The following SPRR2G variants were observed in gnomAD, a reference collection of about 807,000 sequenced individuals.
The protein encoded by SPRR2G is small proline rich protein 2G.
SPRR2G carries 1 observed loss-of-function variant against 0.7 expected under a neutral mutation model. The ratio of observed to expected loss-of-function variants is 1.49; its 90% confidence interval spans 0.53 to 7.06. SPRR2G has a LOEUF of 7.06. SPRR2G is among the 30% of genes most tolerant of loss of function. The probability of loss-of-function intolerance (pLI) is 0.14; values close to 1 mark genes in which losing one functional copy is unlikely to be tolerated. For missense variants in SPRR2G, 96 were observed against 88.5 expected (o/e 1.09, Z -0.34); for synonymous variants, 38 against 33.9 (o/e 1.12, Z -0.42).
At chr1:153,155,744 T>C (rs1656570682), upstream of SPRR2G, among the ~76,000 whole-genome samples, 1 of 152,228 alleles carries the variant, frequency 6.6e-6, no homozygotes, top group South Asian at 2.1e-4. Flanking sequence ...TTTGCTGACA[T>C]ACCAGTTTTT....
the SPRR2G span, among the ~76,000 whole-genome samples, chr1:153,193,512 G>A: frequency 1.3e-5 from 2 of 152,154 alleles, no homozygotes; most frequent in African/African-American, 4.8e-5. Context: ...ACAGGGTCTA[G>A]CCTCTGGGAG....
the SPRR2G span, among the ~76,000 whole-genome samples, chr1:153,197,722 C>A: frequency 2.6e-5 from 4 of 152,122 alleles, no homozygotes; most frequent in Non-Finnish European, 5.9e-5. Context: ...CTCTTAACTG[C>A]AGCAGGGTGG....
At chr1:153,196,364 C>A in the SPRR2G span, among the ~76,000 whole-genome samples, 19 of 152,164 alleles carry the variant, frequency 1.2e-4, no homozygotes, top group Admixed American at 3.9e-4. Flanking sequence ...CCTCAAGGGC[C>A]ATTTATGTTG....
chr1:153,179,982 A>C, the SPRR2G span, among the ~76,000 whole-genome samples: 1 of 152,194 alleles, frequency 6.6e-6, no homozygotes, highest in African/African-American at 2.4e-5. Flanking sequence ...AAAGCACTTC[A>C]TGCTGTGGCA....
the SPRR2G span, among the ~76,000 whole-genome samples, chr1:153,189,491 TATAAG>T: frequency 6.6e-6 from 1 of 152,054 alleles, no homozygotes; most frequent in Non-Finnish European, 1.5e-5. Context: ...TTAATGAACT[TATAAG>T]AGCTGTCTCT....
In SPRR2G at chr1:153,149,973, G is replaced by A; in HGVS notation, c.138C>T (p.Cys46=). 2.5e-6 allele frequency: 4 copies of A among 1,614,082 alleles called. No homozygotes were observed. Among genetic ancestry groups the A allele is most frequent in the South Asian group, 1.1e-5 (1 of 91,078 alleles). ...YLPPPCPPEH[C]PPPPCQDKCP... is the part of the protein sequence containing the mutation. ...ATTTATCCTGGCATGGTGGAGGTGG[G>A]CAATGCTCAGGTGGACAAGGAGGAG... is the stretch of plus-strand genomic sequence containing the variant. Residue 46 remains cysteine (C), a synonymous_variant, in exon 2 of 2, where the codon TGC becomes TGT. Coordinates refer to ENST00000368748, the MANE Select transcript of SPRR2G (RefSeq NM_001014291.4).
chr1:153,181,734 G>A, the SPRR2G span, among the ~76,000 whole-genome samples: 19 of 151,452 alleles, frequency 1.3e-4, no homozygotes, highest in African/African-American at 4.4e-4. Context: ...CATCCATTTT[G>A]CTGCAAATAA....
chr1:153,150,274 C>G lies in SPRR2G; in HGVS notation c.-21-143G>C, dbSNP rs1656438842. The G allele has an allele frequency of 4.8e-6, 6 of 1,254,000 alleles. No individual in the cohort carries two copies. The East Asian group carries it at 1.3e-4, about 27-fold the overall frequency. 77.7% of individuals were successfully genotyped at this position (1,254,000 alleles called of 1,614,324 possible). On this transcript the variant is annotated intron_variant, in intron 1 of 1. Transcript: ENST00000368748. The stretch of plus-strand genomic sequence containing the variant: ...TATGACTTTGTGAACCTTCTTCACA[C>G]TTCACTTTTAGGACCTCTTACCCTC...
At chr1:153,173,381 A>T in the SPRR2G span, among the ~76,000 whole-genome samples, 1 of 152,164 alleles carries the variant, frequency 6.6e-6, no homozygotes, top group African/African-American at 2.4e-5. Context: ...ATAAATATGG[A>T]GGTTGTCCTA....
the SPRR2G span, chr1:153,190,430 T>C: frequency 6.6e-6 from 1 of 152,304 alleles, no homozygotes; most frequent in African/African-American, 2.4e-5. Context: ...CATAGTCTAC[T>C]GGGGTCTCCT....
the SPRR2G span, among the ~76,000 whole-genome samples, chr1:153,188,968 T>C: frequency 6.6e-6 from 1 of 152,116 alleles, no homozygotes; most frequent in African/African-American, 2.4e-5. Flanking sequence ...CTGCTCACCC[T>C]CCATGGGCTG....
At chr1:153,193,458 G>A in the SPRR2G span, among the ~76,000 whole-genome samples, 8 of 152,030 alleles carry the variant, frequency 5.3e-5, no homozygotes, top group East Asian at 9.6e-4. Flanking sequence ...ACACTCACAC[G>A]CACACACATG....
At chr1:153,196,862 C>T in the SPRR2G span, among the ~76,000 whole-genome samples, 65,972 of 152,128 alleles carry the variant, frequency 0.43, 15,250 homozygotes, top group South Asian at 0.57. Flanking sequence ...CCCCAGTGGG[C>T]CCCCAGTTTA....
At chr1:153,161,695 G>T in the SPRR2G span, among the ~76,000 whole-genome samples, 1 of 152,144 alleles carries the variant, frequency 6.6e-6, no homozygotes, top group Non-Finnish European at 1.5e-5. Context: ...GCTGCCATTA[G>T]CTGGTCTGTT....
the SPRR2G span, among the ~76,000 whole-genome samples, chr1:153,192,250 G>C: frequency 1.3e-5 from 2 of 152,126 alleles, no homozygotes. Flanking sequence ...ATGTCTCCTG[G>C]GTTCCTATCT....
At chr1:153,161,137 T>C in the SPRR2G span, among the ~76,000 whole-genome samples, 1 of 151,764 alleles carries the variant, frequency 6.6e-6, no homozygotes, top group South Asian at 2.1e-4. Flanking sequence ...TAATGTTAAA[T>C]GAAGAGTTAA....
chr1:153,164,268 A>G, the SPRR2G span, among the ~76,000 whole-genome samples: 1 of 152,190 alleles, frequency 6.6e-6, no homozygotes, highest in South Asian at 2.1e-4. Context: ...TAACTGACTG[A>G]TAGGCTGGCT....
chr1:153,164,392 T>A, the SPRR2G span, among the ~76,000 whole-genome samples: 2 of 152,184 alleles, frequency 1.3e-5, no homozygotes, highest in African/African-American at 2.4e-5. Context: ...AGTCATTTAG[T>A]CCAGAATCTC....
At chr1:153,159,957 C>T in the SPRR2G span, among the ~76,000 whole-genome samples, 2 of 152,182 alleles carry the variant, frequency 1.3e-5, no homozygotes, top group Non-Finnish European at 2.9e-5. Context: ...AGAGCCAAAC[C>T]ATATCAACCA....
Sources: allele counts gnomAD v4.1 joint callset (sites outside exome capture counted in the v4.1 genomes callset), GRCh38; gene constraint gnomAD v4.1.1; transcripts MANE v1.5; gene names NCBI Gene and HGNC (gene_info 2026-07-23, HGNC 2026-07-21).